The following OR2AP1 variants were observed in gnomAD, a reference collection of about 807,000 sequenced individuals.
OR2AP1 encodes olfactory receptor 2AP1.
A neutral mutation model predicts 13.9 loss-of-function variants in OR2AP1; 20 were observed. The ratio of observed to expected loss-of-function variants is 1.44; its 90% CI spans 1.01 to 2.09. OR2AP1 has a LOEUF of 2.09. OR2AP1 is among the 30% of genes most tolerant of loss of function. The probability of loss-of-function intolerance (pLI) is 0.00; values close to 1 mark genes in which losing one functional copy is unlikely to be tolerated. For missense variants in OR2AP1, 490 were observed against 360.6 expected, an observed-to-expected ratio of 1.36 and a Z score of -2.91; for synonymous variants, 174 against 137.0, an observed-to-expected ratio of 1.27 and a Z score of -1.89.
At position 55,575,265 on chromosome 12, in the gene OR2AP1, A is replaced by G. The variant is rs968141537; in HGVS notation, c.851A>G (p.Asn284Ser). The change falls in exon 2 of 2, where the codon AAC becomes AGC. Residue 284 changes from asparagine to serine, a missense_variant. Coordinates refer to ENST00000641114, the MANE Select transcript of OR2AP1 (RefSeq NM_001258285.2). The stretch of plus-strand genomic sequence containing the variant: ...ATTACTTCAGTTGCTCCTTTGTTGA[A>G]CCCCTTTATTTACACCCTAAGGAAC... ...LLITSVAPLL[N>S]PFIYTLRNQQ... 5 of 1,547,052 alleles carry G rather than the reference A, an allele frequency of 3.2e-6. No individual in the cohort carries two copies. The highest frequency in any genetic ancestry group is 4.3e-6 in the Non-Finnish European group (5 of 1,151,588).
rs756670818 is a variant in OR2AP1 at position 55,574,833 on chromosome 12, T to G, written c.419T>G (p.Ile140Ser). Reference sequence around the variant, plus strand: ...ACCATCATGAGCAGCAGAATCTGCATCCAGCTGATTTTCTGCTCTTGGCTG... The same window carrying G: ...ACCATCATGAGCAGCAGAATCTGCAGCCAGCTGATTTTCTGCTCTTGGCTG... ...YTTIMSSRIC[I>S]QLIFCSWLGG... is the part of the protein sequence containing the mutation. Residue 140 changes from isoleucine to serine, a missense_variant, in exon 2 of 2, where the codon ATC (isoleucine) becomes AGC (serine). Coordinates refer to ENST00000641114, the MANE Select transcript of OR2AP1 (RefSeq NM_001258285.2). 3.1e-6 allele frequency: 5 copies of G among 1,596,310 alleles called. No homozygotes were observed. The highest frequency in any genetic ancestry group is 3.4e-6 in the Non-Finnish European group (4 of 1,171,294).
Position 55,574,711 on chromosome 12 carries a change from T to C in OR2AP1, c.297T>C (p.Tyr99=), listed in dbSNP as rs912011027. Residue 99 remains tyrosine (Y), a synonymous_variant, in exon 2 of 2, where the codon TAT becomes TAC. Transcript: ENST00000641114. ...SISFAGCFTQ[Y]FFAMFLGATE... is the part of the protein sequence containing the mutation. The stretch of plus-strand genomic sequence containing the variant: ...GCTTTGCTGGCTGCTTCACTCAGTA[T>C]TTCTTTGCCATGTTCCTTGGGGCTA... 7 of 1,568,206 alleles carry C rather than the reference T, an allele frequency of 4.5e-6. No homozygotes were observed. In the African/African-American group the frequency reaches 6.8e-5, roughly 15 times the overall value.
rs192498695 is a variant in OR2AP1 at position 55,575,280 on chromosome 12, C to T, written c.866C>T (p.Thr289Ile). The change falls in exon 2 of 2, where the codon ACC (threonine) becomes ATC (isoleucine). Residue 289 changes from threonine (T) to isoleucine (I), a missense_variant. By Grantham distance (89) the Thr-to-Ile change is moderately conservative. Coordinates refer to ENST00000641114, the MANE Select transcript of OR2AP1 (RefSeq NM_001258285.2). ...CCTTTGTTGAACCCCTTTATTTACACCCTAAGGAACCAACAGGTAAAACAA... is the reference window on the plus strand; with the variant it reads ...CCTTTGTTGAACCCCTTTATTTACATCCTAAGGAACCAACAGGTAAAACAA... Reference protein sequence around the residue: ...VAPLLNPFIYTLRNQQVKQPF... With the variant: ...VAPLLNPFIYILRNQQVKQPF... 7.2e-6 allele frequency: 11 copies of T among 1,537,676 alleles called. No individual in the cohort carries two copies. In the African/African-American group the frequency reaches 1.2e-4, roughly 17 times the overall value.
chr12:55,574,901 C>A lies in OR2AP1; in HGVS notation c.487C>A (p.Gln163Lys). ...TATACCAACAATCACCCTGATGAGT[C>A]AGCAGGACTTTTGTGCATCCAACAG... ...AIIPTITLMS[Q>K]QDFCASNRLN... Residue 163 changes from glutamine (Q) to lysine (K), a missense_variant, in exon 2 of 2, where the codon CAG (glutamine) becomes AAG (lysine). Transcript: ENST00000641114. The A allele has an allele frequency of 6.5e-7, 1 of 1,542,796 alleles. No homozygotes were observed. Among genetic ancestry groups the A allele is most frequent in the Non-Finnish European group, 8.7e-7 (1 of 1,148,106 alleles).
In OR2AP1 at chr12:55,574,271, G is replaced by A. The variant is rs545891727; in HGVS notation, c.-144G>A. 1.1e-4 allele frequency: 67 copies of A among 611,422 alleles called. No homozygotes were observed. Among genetic ancestry groups the A allele is most frequent in the Admixed American group, 1.2e-4 (4 of 34,010 alleles). The allele number at this position is 611,422 out of a possible 1,614,324, so 37.9% of individuals were successfully genotyped here. On this transcript the variant is annotated 5_prime_UTR_variant, in exon 2 of 2. The change creates a premature stop within an existing upstream ORF in the 5' untranslated region. Coordinates refer to ENST00000641114, the MANE Select transcript of OR2AP1 (RefSeq NM_001258285.2). ...CATCATTCAAATGGGCCACTGGTCT[G>A]GACTATGTCATCAGAGGAGAAGTTA...
chr12:55,573,535 T>C (rs1339560663), intron 1 of OR2AP1, among the ~76,000 whole-genome samples: 4 of 152,162 alleles, frequency 2.6e-5, no homozygotes, highest in Non-Finnish European at 5.9e-5. Flanking sequence ...CACAAAATGT[T>C]TTACACATAA....
Position 55,574,515 on chromosome 12 carries a change from T to C in OR2AP1, c.101T>C (p.Leu34Ser), listed in dbSNP as rs1305449803. 2 of 1,537,502 alleles carry C rather than the reference T, an allele frequency of 1.3e-6. No individual in the cohort carries two copies. The highest frequency in any genetic ancestry group is 1.7e-6 in the Non-Finnish European group (2 of 1,146,984). The change falls in exon 2 of 2, where the codon TTA (leucine) becomes TCA (serine). Residue 34 changes from leucine (L) to serine (S), a missense_variant. By Grantham distance (145) the Leu-to-Ser change is moderately radical. Transcript: ENST00000641114. ...AVFTFLFLAY[L>S]LSILGNLTIL... ...TTCACCTTTCTTTTCCTTGCGTATT[T>C]ACTCAGCATCCTTGGAAATCTGACT...
Position 55,574,524 on chromosome 12 carries a change from T to A in OR2AP1, c.110T>A (p.Ile37Asn). The A allele has an allele frequency of 6.5e-7, 1 of 1,538,158 alleles. No individual in the cohort carries two copies. Among genetic ancestry groups the A allele is most frequent in the Non-Finnish European group, 8.7e-7 (1 of 1,147,328 alleles). ...TFLFLAYLLS[I>N]LGNLTILILT... ...CTTTTCCTTGCGTATTTACTCAGCA[T>A]CCTTGGAAATCTGACTATCCTCATC... Residue 37 changes from isoleucine to asparagine, a missense_variant, in exon 2 of 2, where the codon ATC becomes AAC. By Grantham distance (149) the Ile-to-Asn change is moderately radical. Transcript: ENST00000641114.
At position 55,575,023 on chromosome 12, in the gene OR2AP1, G is replaced by T; in HGVS notation, c.609G>T (p.Val203=). Reference sequence around the variant, plus strand: ...AGGTTGTCTTTCTTGTGGCATCTGTGACCCTGGTGGTCACTCTGGTGCTAG... The same window carrying T: ...AGGTTGTCTTTCTTGTGGCATCTGTTACCCTGGTGGTCACTCTGGTGCTAG... The part of the protein sequence containing the change: ...IEKVVFLVAS[V]TLVVTLVLVI... Residue 203 remains valine, a synonymous_variant, in exon 2 of 2, where the codon GTG becomes GTT. Transcript: ENST00000641114. 6.5e-7 allele frequency: 1 copy of T among 1,538,236 alleles called. No individual in the cohort carries two copies. The highest frequency in any genetic ancestry group is 8.7e-7 in the Non-Finnish European group (1 of 1,147,254).
rs1011103361 is a variant in OR2AP1 at position 55,574,468 on chromosome 12, C to T, written c.54C>T (p.Val18=). ...TTATCCTTCTGGGTCTAACAGATGTCCCTGAACTCCAGGTGGCAGTTTTCA... is the reference window on the plus strand; with the variant it reads ...TTATCCTTCTGGGTCTAACAGATGTTCCTGAACTCCAGGTGGCAGTTTTCA... ...TEFILLGLTD[V]PELQVAVFTF... is the part of the protein sequence containing the mutation. The change falls in exon 2 of 2, where the codon GTC becomes GTT. Residue 18 remains valine (V), a synonymous_variant. Transcript: ENST00000641114. The T allele has an allele frequency of 1.0e-5, 16 of 1,535,986 alleles. No individual in the cohort carries two copies. The Admixed American group carries it at 2.9e-4, about 28-fold the overall frequency.
chr12:55,574,730 G>A lies in OR2AP1; in HGVS notation c.316G>A (p.Gly106Arg). 1 of 1,581,784 alleles carries A rather than the reference G, an allele frequency of 6.3e-7. No homozygotes were observed. The highest frequency in any genetic ancestry group is 1.8e-5 in the Admixed American group (1 of 55,608). ...TCAGTATTTCTTTGCCATGTTCCTT[G>A]GGGCTACAGAGTTTTACCTTCTGGC... The part of the protein sequence containing the change: ...FTQYFFAMFL[G>R]ATEFYLLAAM... The change falls in exon 2 of 2, where the codon GGG (glycine) becomes AGG (arginine). Residue 106 changes from glycine to arginine, a missense_variant. Coordinates refer to ENST00000641114, the MANE Select transcript of OR2AP1 (RefSeq NM_001258285.2).
At position 55,575,172 on chromosome 12, in the gene OR2AP1, G is replaced by T. The variant is rs1355917099; in HGVS notation, c.758G>T (p.Cys253Phe). 4 of 1,600,716 alleles carry T rather than the reference G, an allele frequency of 2.5e-6. No homozygotes were observed. Among genetic ancestry groups the T allele is most frequent in the East Asian group, 2.2e-5 (1 of 44,720 alleles). The change falls in exon 2 of 2, where the codon TGC becomes TTC. Residue 253 changes from cysteine to phenylalanine, a missense_variant. By Grantham distance (205) the Cys-to-Phe change is radical. Coordinates refer to ENST00000641114, the MANE Select transcript of OR2AP1 (RefSeq NM_001258285.2). ...MIVISLSYGS[C>F]MFMYINPSAK... The stretch of plus-strand genomic sequence containing the variant: ...GTCATCTCCCTCTCTTACGGAAGCT[G>T]CATGTTTATGTACATTAATCCCTCT...
chr12:55,573,377 T>G (rs1188817546), intron 1 of OR2AP1, among the ~76,000 whole-genome samples: 1 of 152,080 alleles, frequency 6.6e-6, no homozygotes, highest in Non-Finnish European at 1.5e-5. Flanking sequence ...ATAAGGGCAC[T>G]CCCAGATAAT....
Position 55,574,971 on chromosome 12 carries a change from C to T in OR2AP1, c.557C>T (p.Ser186Leu). Reference sequence around the variant, plus strand: ...GACTATGAGCCTCTTCTGGAACTCTCATGTTCAGACACAAGCCTCATAGAG... The same window carrying T: ...GACTATGAGCCTCTTCTGGAACTCTTATGTTCAGACACAAGCCTCATAGAG... ...FCDYEPLLEL[S>L]CSDTSLIEKV... The change falls in exon 2 of 2, where the codon TCA (serine) becomes TTA (leucine). Residue 186 changes from serine (S) to leucine (L), a missense_variant. By Grantham distance (145) the Ser-to-Leu change is moderately radical. Transcript: ENST00000641114. 6.5e-7 allele frequency: 1 copy of T among 1,537,418 alleles called. No individual in the cohort carries two copies. Among genetic ancestry groups the T allele is most frequent in the Non-Finnish European group, 8.7e-7 (1 of 1,146,816 alleles).
chr12:55,573,331 TA>T (rs779327545), intron 1 of OR2AP1, among the ~76,000 whole-genome samples: 166 of 152,220 alleles, frequency 1.1e-3, no homozygotes, highest in Admixed American at 3.7e-3. Context: ...TAAACATTTA[TA>T]AAAACATAAC....
chr12:55,573,130 A>C (rs1036755839), intron 1 of OR2AP1, among the ~76,000 whole-genome samples: 1 of 152,136 alleles, frequency 6.6e-6, no homozygotes, highest in Non-Finnish European at 1.5e-5. Flanking sequence ...GTGAGTCATG[A>C]TCATGCTAAT....
At chr12:55,573,687 T>C (rs907022781) in intron 1 of OR2AP1, among the ~76,000 whole-genome samples, 2 of 152,218 alleles carry the variant, frequency 1.3e-5, no homozygotes, top group African/African-American at 2.4e-5. Flanking sequence ...GGAAGCAAAA[T>C]TCTAGATCTA....
At position 55,574,522 on chromosome 12, in the gene OR2AP1, C is replaced by A. The variant is rs753084899; in HGVS notation, c.108C>A (p.Ser36Arg). ...TTCTTTTCCTTGCGTATTTACTCAG[C>A]ATCCTTGGAAATCTGACTATCCTCA... ...FTFLFLAYLLSILGNLTILIL... is the reference protein window; with the variant it reads ...FTFLFLAYLLRILGNLTILIL... The change falls in exon 2 of 2, where the codon AGC (serine) becomes AGA (arginine). Residue 36 changes from serine (S) to arginine (R), a missense_variant. Transcript: ENST00000641114. The A allele has an allele frequency of 9.1e-6, 14 of 1,537,392 alleles. No individual in the cohort carries two copies. Among genetic ancestry groups the A allele is most frequent in the Non-Finnish European group, 1.0e-5 (12 of 1,146,818 alleles).
At chr12:55,572,942 G>A (rs1365677257) in intron 1 of OR2AP1, among the ~76,000 whole-genome samples, 1 of 152,166 alleles carries the variant, frequency 6.6e-6, no homozygotes, top group African/African-American at 2.4e-5. Flanking sequence ...GGAGGCCAAA[G>A]TGAGAGGATC....
Sources: gnomAD v4.1 joint callset for allele counts (sites outside exome capture counted in the v4.1 genomes callset) on GRCh38, gnomAD v4.1.1 for gene constraint, MANE v1.5 for transcripts, NCBI Gene and HGNC (gene_info 2026-07-23, HGNC 2026-07-21) for gene names.